CPHXL2: variants seen among roughly 807,000 people sequenced by gnomAD.
CPHXL2 encodes the protein cytoplasmic polyadenylated homeobox like 2.
At chr16:75,662,194 A>G in the CPHXL2 span, among the ~76,000 whole-genome samples, 2,120 of 152,188 alleles carry the variant, frequency 0.014, 53 homozygotes, top group Admixed American at 0.06. Context: ...AAGGATATAG[A>G]TTCATAGAGT....
At chr16:75,674,155 A>C in the CPHXL2 span, among the ~76,000 whole-genome samples, 4 of 151,604 alleles carry the variant, frequency 2.6e-5, no homozygotes, top group South Asian at 4.2e-4. Context: ...GGGTGGATCA[A>C]GAGGTCAGGA....
At chr16:75,664,625 C>CAAAAAAAAAA in the CPHXL2 span, among the ~76,000 whole-genome samples, 4 of 113,016 alleles carry the variant, frequency 3.5e-5, no homozygotes, top group African/African-American at 1.5e-4. Flanking sequence ...AACTCCATCT[C>CAAAAAAAAAA]AAAAAAAAAA....
At chr16:75,661,112 G>C in the CPHXL2 span, 1 of 400,854 alleles carries the variant, frequency 2.5e-6, no homozygotes, top group Non-Finnish European at 4.4e-6. Context: ...CTGTGGCATA[G>C]TTGGAAGCTG....
the CPHXL2 span, among the ~76,000 whole-genome samples, chr16:75,664,412 G>T: frequency 1.2e-4 from 18 of 152,214 alleles, no homozygotes; most frequent in Middle Eastern, 3.4e-3. Context: ...GATCACCTGA[G>T]GTCGGGAGTT....
the CPHXL2 span, among the ~76,000 whole-genome samples, chr16:75,668,626 G>A: frequency 6.6e-6 from 1 of 152,154 alleles, no homozygotes; most frequent in African/African-American, 2.4e-5. Flanking sequence ...AAACTGTGTA[G>A]AATTTGCATA....
the CPHXL2 span, among the ~76,000 whole-genome samples, chr16:75,668,514 A>G: frequency 1.4e-3 from 211 of 152,332 alleles, 2 homozygotes; most frequent in African/African-American, 4.9e-3. Flanking sequence ...GGCGTAAGCC[A>G]CCGCAACAGG....
chr16:75,665,888 A>G, the CPHXL2 span, among the ~76,000 whole-genome samples: 1 of 152,180 alleles, frequency 6.6e-6, no homozygotes, highest in African/African-American at 2.4e-5. Context: ...ACCAAGGTAT[A>G]CAGGCAACAA....
chr16:75,670,031 C>G, the CPHXL2 span, among the ~76,000 whole-genome samples: 6 of 152,170 alleles, frequency 3.9e-5, no homozygotes, highest in Non-Finnish European at 8.8e-5. Context: ...TCTCCTGCCT[C>G]AGCCTCCCAA....
At chr16:75,674,257 C>T in the CPHXL2 span, among the ~76,000 whole-genome samples, 2 of 150,316 alleles carry the variant, frequency 1.3e-5, no homozygotes, top group South Asian at 2.1e-4. Flanking sequence ...CCTGTAGTCC[C>T]AGCTACTCGG....
chr16:75,668,008 C>G, the CPHXL2 span, among the ~76,000 whole-genome samples: 2 of 152,278 alleles, frequency 1.3e-5, no homozygotes, highest in African/African-American at 4.8e-5. Flanking sequence ...TCCCATCCAC[C>G]TGCACAGCTA....
At chr16:75,660,994 A>G in the CPHXL2 span, 12 of 399,460 alleles carry the variant, frequency 3.0e-5, no homozygotes, top group Admixed American at 4.4e-4. Context: ...TGGTTCTCCA[A>G]AGAGAAGCAA....
chr16:75,675,742 A>G, the CPHXL2 span, among the ~76,000 whole-genome samples: 7 of 152,070 alleles, frequency 4.6e-5, no homozygotes, highest in Non-Finnish European at 1.0e-4. Flanking sequence ...TTTGCTGTAG[A>G]TTTTGCCTCC....
At chr16:75,671,009 G>A in the CPHXL2 span, among the ~76,000 whole-genome samples, 1 of 152,004 alleles carries the variant, frequency 6.6e-6, no homozygotes. Flanking sequence ...TGATCCCCTT[G>A]ATTCACTCCC....
chr16:75,662,799 T>C, the CPHXL2 span, among the ~76,000 whole-genome samples: 4 of 139,826 alleles, frequency 2.9e-5, no homozygotes, highest in African/African-American at 1.1e-4. Context: ...GATAATTCTT[T>C]TTTTTTTTTT....
At chr16:75,662,352 T>A in the CPHXL2 span, among the ~76,000 whole-genome samples, 7 of 141,074 alleles carry the variant, frequency 5.0e-5, no homozygotes, top group East Asian at 2.0e-4. Context: ...TTTTTTTTTT[T>A]AACGGAGGCT....
the CPHXL2 span, among the ~76,000 whole-genome samples, chr16:75,671,444 T>A: frequency 6.6e-6 from 1 of 152,098 alleles, no homozygotes; most frequent in African/African-American, 2.4e-5. Flanking sequence ...AGTTCCTTTC[T>A]CTGTAACACT....
chr16:75,674,229 C>CG, the CPHXL2 span, among the ~76,000 whole-genome samples: 1 of 150,432 alleles, frequency 6.6e-6, no homozygotes, highest in African/African-American at 2.4e-5. Flanking sequence ...AAAAATTAGC[C>CG]GGGTGTGGTG....
At chr16:75,670,243 G>A in the CPHXL2 span, among the ~76,000 whole-genome samples, 5 of 152,088 alleles carry the variant, frequency 3.3e-5, no homozygotes, top group African/African-American at 7.2e-5. Flanking sequence ...AGAACTAATT[G>A]CAGAAGAATA....
At chr16:75,661,848 C>G in the CPHXL2 span, among the ~76,000 whole-genome samples, 2 of 152,142 alleles carry the variant, frequency 1.3e-5, no homozygotes, top group Non-Finnish European at 2.9e-5. Flanking sequence ...TTTTCCTCTG[C>G]TCTCATACCA....
Sources: gnomAD v4.1 joint callset for allele counts (sites outside exome capture counted in the v4.1 genomes callset) on GRCh38, gnomAD v4.1.1 for gene constraint, MANE v1.5 for transcripts, NCBI Gene and HGNC (gene_info 2026-07-23, HGNC 2026-07-21) for gene names.